Variants in KNCN observed in about 807,000 individuals in gnomAD.
The protein encoded by KNCN is kinocilin.
In KNCN, 11 loss-of-function variants were observed where a neutral mutation model predicts 10.4. The observed-to-expected ratio is 1.06, with a 90% confidence interval of 0.67 to 1.75. KNCN has a LOEUF of 1.75. Among genes scored for constraint, KNCN ranks in the 40% most tolerant of loss-of-function variants. The probability of loss-of-function intolerance (pLI) is 0.00; values close to 1 mark genes in which losing one functional copy is unlikely to be tolerated. For missense variants in KNCN, 172 were observed against 167.1 expected, an observed-to-expected ratio of 1.03 and a Z score of -0.16; for synonymous variants, 67 against 71.6, an observed-to-expected ratio of 0.94 and a Z score of 0.33.
At position 46,549,192 on chromosome 1, in the gene KNCN, C is replaced by G. The variant is rs375884162; in HGVS notation, c.295+1G>C. On this transcript the variant is annotated splice_donor_variant, in intron 3 of 3. Coordinates refer to ENST00000481882, the MANE Select transcript of KNCN (RefSeq NM_001322255.2). LOFTEE classifies it high-confidence loss of function. ...TGGACTCGGGAATTTCTGGAACTTA[C>G]CTTCCTTGTTGCCATTGGTGCTGGA... The G allele has an allele frequency of 6.2e-7, 1 of 1,606,608 alleles. No individual in the cohort carries two copies.
In KNCN at chr1:46,545,764, C is replaced by CAGG. The variant is rs1278464937; in HGVS notation, c.*1963_*1965dup. On this transcript the variant is annotated 3_prime_UTR_variant, in exon 4 of 4. Transcript: ENST00000481882. ...AGCATGGCTGAGAGGGGTTGATGGG[C>CAGG]AGGGGGGAGGGAACCACACTCTCCA... 5 of 152,224 alleles carry CAGG rather than the reference C, an allele frequency of 3.3e-5. No individual in the cohort carries two copies. Among genetic ancestry groups the CAGG allele is most frequent in the Non-Finnish European group, 7.3e-5 (5 of 68,124 alleles). 9.4% of individuals were successfully genotyped at this position (152,224 alleles called of 1,614,324 possible).
intron 1 of KNCN, among the ~76,000 whole-genome samples, chr1:46,550,541 G>GGGTGAGGTGA (rs201440882): frequency 2.8e-5 from 4 of 143,254 alleles, no homozygotes; most frequent in Non-Finnish European, 1.5e-5. Flanking sequence ...GCGGGGGGTG[G>GGGTGAGGTGA]GGTGAGGTGA....
chr1:46,550,695 A>G (rs763818033), intron 1 of KNCN, among the ~76,000 whole-genome samples: 1 of 152,140 alleles, frequency 6.6e-6, no homozygotes, highest in Non-Finnish European at 1.5e-5. Context: ...GTCTTGGCTC[A>G]GAGAGTCCTC....
rs1297954377 is a variant in KNCN at position 46,547,501 on chromosome 1, T to C, written c.*229A>G. 1 of 697,046 alleles carries C rather than the reference T, an allele frequency of 1.4e-6. No homozygotes were observed. The highest frequency in any genetic ancestry group is 2.6e-6 in the Non-Finnish European group (1 of 380,560). 43.2% of individuals were successfully genotyped at this position (697,046 alleles called of 1,614,324 possible). A position where few individuals can be genotyped will look rare whatever the true frequency, so the allele number is the denominator to read the frequency against. ...GAAACATGGGAACCCTGTGGGGGCG[T>C]CCGGCGACACCTTGCTCCAGGTCCC... On this transcript the variant is annotated 3_prime_UTR_variant, in exon 4 of 4. Coordinates refer to ENST00000481882, the MANE Select transcript of KNCN (RefSeq NM_001322255.2).
Position 46,551,415 on chromosome 1 carries a change from C to T in KNCN, c.-200G>A. 1 of 547,022 alleles carries T rather than the reference C, an allele frequency of 1.8e-6. No individual in the cohort carries two copies. Among genetic ancestry groups the T allele is most frequent in the South Asian group, 2.6e-5 (1 of 39,062 alleles). The allele number at this position is 547,022 out of a possible 1,614,324, so 33.9% of individuals were successfully genotyped here. A position where few individuals can be genotyped will look rare whatever the true frequency, so the allele number is the denominator to read the frequency against. On this transcript the variant is annotated 5_prime_UTR_variant, in exon 1 of 4. Transcript: ENST00000481882. The surrounding 1 kb of genome is among the most constrained non-coding windows in gnomAD (Gnocchi z 4.0). ...TGCTCCACTACGGGCCCCCCAGTCC[C>T]ACCTTGACCAGGGATCTGTACGAGG...
intron 3 of KNCN, among the ~76,000 whole-genome samples, chr1:46,548,708 G>C (rs573049440): frequency 2.5e-4 from 38 of 152,322 alleles, no homozygotes; most frequent in Admixed American, 5.9e-4. Flanking sequence ...GATCAGTTCA[G>C]CTTGGAGCAG....
chr1:46,549,057 C>T, intron 3 of KNCN, 136 bp downstream of exon 3: 3 of 629,324 alleles, frequency 4.8e-6, no homozygotes, highest in Non-Finnish European at 8.2e-6. Flanking sequence ...AGGAGAATTG[C>T]TTGAAACCGG....
chr1:46,551,632 C>T lies in KNCN; in HGVS notation c.-417G>A, dbSNP rs1446846683. ...TGCCCAGGACATCCTGCCCCAGCTTCCTAGAGCCACTTACTTGCCACTGAA... is the reference window on the plus strand; with the variant it reads ...TGCCCAGGACATCCTGCCCCAGCTTTCTAGAGCCACTTACTTGCCACTGAA... On this transcript the variant is annotated 5_prime_UTR_variant, in exon 1 of 4. Coordinates refer to ENST00000481882, the MANE Select transcript of KNCN (RefSeq NM_001322255.2). The surrounding 1 kb of genome is among the most constrained non-coding windows in gnomAD (Gnocchi z 4.0). 6.3e-6 allele frequency: 1 copy of T among 159,596 alleles called. No individual in the cohort carries two copies. The highest frequency in any genetic ancestry group is 1.9e-4 in the East Asian group (1 of 5,338). 9.9% of individuals were successfully genotyped at this position (159,596 alleles called of 1,614,324 possible).
chr1:46,547,643 C>A lies in KNCN; in HGVS notation c.*87G>T. The A allele has an allele frequency of 9.6e-7, 1 of 1,043,314 alleles. No individual in the cohort carries two copies. The highest frequency in any genetic ancestry group is 1.5e-6 in the Non-Finnish European group (1 of 683,374). 64.6% of individuals were successfully genotyped at this position (1,043,314 alleles called of 1,614,324 possible). A position where few individuals can be genotyped will look rare whatever the true frequency, so the allele number is the denominator to read the frequency against. ...CTGCAGGGCCTGGCTTGTCTCCGGT[C>A]CGGGTCTCCTAACCCAGGAGGGCAC... On this transcript the variant is annotated 3_prime_UTR_variant, in exon 4 of 4. Transcript: ENST00000481882.
intron 3 of KNCN, 127 bp downstream of exon 3, chr1:46,549,066 G>A (rs986732101): frequency 1.4e-5 from 9 of 648,102 alleles, no homozygotes; most frequent in South Asian, 2.2e-5. Flanking sequence ...GCTTGAAACC[G>A]GGAGGTGGAG....
At position 46,547,990 on chromosome 1, in the gene KNCN, A is replaced by G. The variant is rs147410517; in HGVS notation, c.296-181T>C. Among the ~76,000 whole-genome samples, 1,361 of 151,870 alleles carry G rather than the reference A, an allele frequency of 9.0e-3. 16 individuals are homozygous for G. Among genetic ancestry groups the G allele is most frequent in the South Asian group, 0.03 (144 of 4,788 alleles). ...CAGTTTCAGCCCAGTTTAAAGAGGT[A>G]CCTCCAGTCAGGATGGCTTTCAAGA... On this transcript the variant is annotated intron_variant, in intron 3 of 3. Transcript: ENST00000481882.
Position 46,545,917 on chromosome 1 carries a change from G to C in KNCN, c.*1813C>G, listed in dbSNP as rs1450718968. 1 of 152,382 alleles carries C rather than the reference G, an allele frequency of 6.6e-6. No individual in the cohort carries two copies. Among genetic ancestry groups the C allele is most frequent in the African/African-American group, 2.4e-5 (1 of 41,450 alleles). 9.4% of individuals were successfully genotyped at this position (152,382 alleles called of 1,614,324 possible). A position where few individuals can be genotyped will look rare whatever the true frequency, so the allele number is the denominator to read the frequency against. ...TTGATTGAGGAGGGACCAGCAGCCT[G>C]AGATATTGTTGATGATAATGAAGGA... On this transcript the variant is annotated 3_prime_UTR_variant, in exon 4 of 4. Coordinates refer to ENST00000481882, the MANE Select transcript of KNCN (RefSeq NM_001322255.2).
intron 1 of KNCN, 137 bp from the exon 2 acceptor site, chr1:46,550,139 T>C: frequency 1.3e-6 from 2 of 1,484,748 alleles, no homozygotes; most frequent in Non-Finnish European, 1.8e-6. Context: ...GACTTGGGAC[T>C]GTGAGTGTGT....
rs552996235 is a variant in KNCN at position 46,548,617 on chromosome 1, G to A, written c.295+576C>T. 4.6e-5 allele frequency among the ~76,000 whole-genome samples: 7 copies of A among 152,232 alleles called. No homozygotes were observed. The South Asian group carries it at 1.4e-3, about 32-fold the overall frequency. Reference sequence around the variant, plus strand: ...TAGGACCTGGGGGAGGGGAAAGGGAGGGAGGGGAAGGGGCAGGGAGGTGCC... The same window carrying A: ...TAGGACCTGGGGGAGGGGAAAGGGAAGGAGGGGAAGGGGCAGGGAGGTGCC... On this transcript the variant is annotated intron_variant, in intron 3 of 3. Coordinates refer to ENST00000481882, the MANE Select transcript of KNCN (RefSeq NM_001322255.2).
chr1:46,550,360 C>T (rs1667039763), intron 1 of KNCN, among the ~76,000 whole-genome samples: 1 of 152,186 alleles, frequency 6.6e-6, no homozygotes, highest in Non-Finnish European at 1.5e-5. Flanking sequence ...GGTGCTTGTC[C>T]TCAGCATGTT....
intron 2 of KNCN, 36 bp downstream of exon 2, chr1:46,549,898 G>A: frequency 1.3e-6 from 2 of 1,550,542 alleles, no homozygotes; most frequent in Non-Finnish European, 1.7e-6. Flanking sequence ...ACAGTCCTTG[G>A]CAGAGGGGTC....
In KNCN at chr1:46,550,004, TGA is replaced by T; in HGVS notation, c.152-4_152-3del. The T allele has an allele frequency of 6.4e-7, 1 of 1,550,510 alleles. No individual in the cohort carries two copies. The highest frequency in any genetic ancestry group is 8.7e-7 in the Non-Finnish European group (1 of 1,146,920). On this transcript the variant is annotated splice_polypyrimidine_tract_variant and splice_region_variant and intron_variant, in intron 1 of 3. Coordinates refer to ENST00000481882, the MANE Select transcript of KNCN (RefSeq NM_001322255.2). ...AGGGGTAGGCCAAGATGAGGAGCCC[TGA>T]GAAGAGACACAGGGGGTTCTGTGAT...
chr1:46,550,016 C>CAGGG lies in KNCN; in HGVS notation c.152-18_152-15dup. 4 of 1,550,620 alleles carry CAGGG rather than the reference C, an allele frequency of 2.6e-6. No individual in the cohort carries two copies. Among genetic ancestry groups the CAGGG allele is most frequent in the Non-Finnish European group, 3.5e-6 (4 of 1,146,960 alleles). On this transcript the variant is annotated splice_polypyrimidine_tract_variant and intron_variant, in intron 1 of 3. Transcript: ENST00000481882. ...AGATGAGGAGCCCTGAGAAGAGACA[C>CAGGG]AGGGGGTTCTGTGATGGGGAGGAGC... is the stretch of plus-strand genomic sequence containing the variant.
In KNCN at chr1:46,547,371, C is replaced by A. The variant is rs937978743; in HGVS notation, c.*359G>T. On this transcript the variant is annotated 3_prime_UTR_variant, in exon 4 of 4. Transcript: ENST00000481882. ...GAGCAAGGGACTGGGGCATCCTGGT[C>A]ATAGTCAGGGCCTTGGACCCCAAAT... The A allele has an allele frequency of 3.4e-5, 17 of 501,580 alleles. No homozygotes were observed. The highest frequency in any genetic ancestry group is 3.2e-4 in the Admixed American group (14 of 43,746). 31.1% of individuals were successfully genotyped at this position (501,580 alleles called of 1,614,324 possible).
Sources: gnomAD v4.1 joint callset for allele counts (sites outside exome capture counted in the v4.1 genomes callset) on GRCh38, gnomAD v4.1.1 for gene constraint, Gnocchi (gnomAD v3.1) non-coding constraint, MANE v1.5 for transcripts, NCBI Gene and HGNC (gene_info 2026-07-23, HGNC 2026-07-21) for gene names.